STON1: variants seen among roughly 807,000 people sequenced by gnomAD.
STON1 encodes stonin 1.
A neutral mutation model predicts 60.9 loss-of-function variants in STON1; 79 were observed. The ratio of observed to expected loss-of-function variants is 1.30; its 90% CI spans 1.08 to 1.56. The LOEUF (loss-of-function observed/expected upper bound fraction) is 1.56, where lower values mean the gene tolerates loss of function less well. STON1 is among the 40% of genes most tolerant of loss of function. STON1 has a pLI of 0.00. For synonymous variants in STON1, 363 were observed against 306.9 expected, an observed-to-expected ratio of 1.18 and a Z score of -1.91; for missense variants, 1,166 against 858.9, an observed-to-expected ratio of 1.36 and a Z score of -4.47.
At chr2:48,533,034 A>T (rs1314574390) in intron 1 of STON1, among the ~76,000 whole-genome samples, 1 of 152,064 alleles carries the variant, frequency 6.6e-6, no homozygotes, top group Non-Finnish European at 1.5e-5. Flanking sequence ...CCAGAGGATC[A>T]CTTGAGGCTA....
At chr2:48,560,319 C>T (rs1672557553) in intron 1 of STON1, among the ~76,000 whole-genome samples, 3 of 152,210 alleles carry the variant, frequency 2.0e-5, no homozygotes, top group South Asian at 4.1e-4. Flanking sequence ...ATTTTCCCAG[C>T]TTCCTTTGAG....
At position 48,583,630 on chromosome 2, in the gene STON1, T is replaced by TC. The variant is rs1553364342; in HGVS notation, c.1930+1073dup. 2.2e-3 allele frequency among the ~76,000 whole-genome samples: 325 copies of TC among 150,422 alleles called. 1 individual carries two copies. The highest frequency in any genetic ancestry group is 0.018 in the East Asian group (91 of 5,156). On this transcript the variant is annotated intron_variant, in intron 2 of 3. Coordinates refer to ENST00000404752, the MANE Select transcript of STON1 (RefSeq NM_006873.4). ...GAGGGTTGTTGGTTTTTTTTTTTTT[T>TC]CCCCCCTAGCAGAGCACTGGTCACT...
At chr2:48,547,900 T>A (rs1044124362) in intron 1 of STON1, among the ~76,000 whole-genome samples, 1 of 152,176 alleles carries the variant, frequency 6.6e-6, no homozygotes, top group Admixed American at 6.5e-5. Context: ...ATCAGGAACA[T>A]TGTATTAGGG....
At chr2:48,588,838 G>A (rs75117058) in intron 2 of STON1, among the ~76,000 whole-genome samples, 5,893 of 152,228 alleles carry the variant, frequency 0.039, 151 homozygotes, top group Non-Finnish European at 0.057. Context: ...TCAATGCTTA[G>A]TATTCCTTTG....
intron 1 of STON1, chr2:48,531,875 C>T (rs1199479068): frequency 6.6e-6 from 1 of 152,054 alleles, no homozygotes. Flanking sequence ...AAAAACAGGT[C>T]CAAGTATTGA....
chr2:48,574,193 T>C (rs545642746), intron 1 of STON1, among the ~76,000 whole-genome samples: 6 of 152,114 alleles, frequency 3.9e-5, no homozygotes, highest in East Asian at 1.9e-4. Flanking sequence ...TTGGCCAACA[T>C]GGTGAAACCC....
At chr2:48,573,414 C>T (rs1444555519) in intron 1 of STON1, among the ~76,000 whole-genome samples, 1 of 152,226 alleles carries the variant, frequency 6.6e-6, no homozygotes, top group African/African-American at 2.4e-5. Flanking sequence ...GCATTTTCCA[C>T]TGGATGTCAG....
At chr2:48,594,632 G>A (rs1013994852) in intron 3 of STON1, among the ~76,000 whole-genome samples, 1 of 152,120 alleles carries the variant, frequency 6.6e-6, no homozygotes, top group African/African-American at 2.4e-5. Context: ...AGGGTAACGG[G>A]ATAGAGAGTG....
rs1227244976 is a variant in STON1, at chr2:48,597,371, T to G, written c.*2069T>G. The G allele has an allele frequency of 6.6e-6, 1 of 152,212 alleles. No homozygotes were observed. The highest frequency in any genetic ancestry group is 1.5e-5 in the Non-Finnish European group (1 of 68,048). 9.4% of individuals were successfully genotyped at this position (152,212 alleles called of 1,614,324 possible). On this transcript the variant is annotated 3_prime_UTR_variant, in exon 4 of 4. Coordinates refer to ENST00000404752, the MANE Select transcript of STON1 (RefSeq NM_006873.4). ...AAACTGATGCTGCCCACAGTCCCAG[T>G]GAAGTTAGGTGGGTTAATTACTGCC...
chr2:48,592,808 T>A lies in STON1; in HGVS notation c.2133+953T>A, dbSNP rs150452361. On this transcript the variant is annotated intron_variant, in intron 3 of 3. Transcript: ENST00000404752. ...TTTAAATTTTTAAATAGAGATGGGA[T>A]CTCACTATGTTGGTCAGGCTGGTCT... is the stretch of plus-strand genomic sequence containing the variant. Among the ~76,000 whole-genome samples, 46 of 152,078 alleles carry A rather than the reference T, an allele frequency of 3.0e-4. No homozygotes were observed. In the East Asian group the frequency reaches 8.7e-3, roughly 29 times the overall value.
At position 48,581,885 on chromosome 2, in the gene STON1, G is replaced by C. The variant is rs137911597; in HGVS notation, c.1252G>C (p.Glu418Gln). 3.7e-6 allele frequency: 6 copies of C among 1,614,062 alleles called. No homozygotes were observed. In the South Asian group the frequency reaches 6.6e-5, roughly 18 times the overall value. Reference sequence around the variant, plus strand: ...CTACGAGGAGCAAGAAATTTCCTTGGAAATTGTGGACAACTTTTGGGGTAA... The same window carrying C: ...CTACGAGGAGCAAGAAATTTCCTTGCAAATTGTGGACAACTTTTGGGGTAA... ...KNYEEQEISL[E>Q]IVDNFWGKVT... The change falls in exon 2 of 4, where the codon GAA becomes CAA. Residue 418 changes from glutamate (E) to glutamine (Q), a missense_variant. Physicochemically the swap from Glu to Gln is conservative, Grantham distance 29 (BLOSUM62 2). Transcript: ENST00000404752.
At chr2:48,569,430 G>T (rs920314157) in intron 1 of STON1, among the ~76,000 whole-genome samples, 1 of 152,040 alleles carries the variant, frequency 6.6e-6, no homozygotes, top group Non-Finnish European at 1.5e-5. Flanking sequence ...TGTGGAAAAT[G>T]TCTTATCCAA....
intron 3 of STON1, 82 bp downstream of exon 3, chr2:48,591,937 T>C (rs925769381): frequency 6.3e-6 from 9 of 1,433,586 alleles, no homozygotes; most frequent in Non-Finnish European, 8.5e-6. Context: ...GTGTATGTGT[T>C]GTGTGTGTGT....
At chr2:48,551,506 C>G (rs1672104425) in intron 1 of STON1, among the ~76,000 whole-genome samples, 1 of 152,252 alleles carries the variant, frequency 6.6e-6, no homozygotes, top group African/African-American at 2.4e-5. Context: ...TCCTAACCTT[C>G]AGATGGTAAA....
Position 48,580,586 on chromosome 2 carries a change from G to A in STON1, c.-47-1G>A, listed in dbSNP as rs1367256284. 1.5e-6 allele frequency: 2 copies of A among 1,319,810 alleles called. No individual in the cohort carries two copies. Among genetic ancestry groups the A allele is most frequent in the Non-Finnish European group, 1.9e-6 (2 of 1,026,198 alleles). The allele number at this position is 1,319,810 out of a possible 1,614,324, so 81.8% of individuals were successfully genotyped here. A position where few individuals can be genotyped will look rare whatever the true frequency, so the allele number is the denominator to read the frequency against. On this transcript the variant is annotated splice_acceptor_variant, in intron 1 of 3. Coordinates refer to ENST00000404752, the MANE Select transcript of STON1 (RefSeq NM_006873.4). LOFTEE classifies it low-confidence loss of function (5UTR_SPLICE). ...TTCTCTTTATTTTATTTTTTTAACAGAGTCAACCTATTTGATTTCTTGACA... is the reference window on the plus strand; with the variant it reads ...TTCTCTTTATTTTATTTTTTTAACAAAGTCAACCTATTTGATTTCTTGACA...
chr2:48,538,735 T>G (rs948669238), intron 1 of STON1, among the ~76,000 whole-genome samples: 10 of 148,890 alleles, frequency 6.7e-5, no homozygotes, highest in Admixed American at 6.7e-4. Flanking sequence ...GTTGCTGGGA[T>G]TACAGGTGTG....
At position 48,581,787 on chromosome 2, in the gene STON1, A is replaced by T; in HGVS notation, c.1154A>T (p.Asp385Val). 6.2e-7 allele frequency: 1 copy of T among 1,614,160 alleles called. No individual in the cohort carries two copies. Among genetic ancestry groups the T allele is most frequent in the Non-Finnish European group, 8.5e-7 (1 of 1,180,042 alleles). ...MLKLGSTSYH[D>V]FLDFLTTVEE... ...AAGTTGGGGTCCACATCGTACCATG[A>T]CTTCCTTGACTTTCTGACTACTGTG... The change falls in exon 2 of 4, where the codon GAC becomes GTC. Residue 385 changes from aspartate (D) to valine (V), a missense_variant. Transcript: ENST00000404752.
chr2:48,531,127 A>T (rs934003339), intron 1 of STON1: 6 of 152,264 alleles, frequency 3.9e-5, no homozygotes, highest in Admixed American at 3.9e-4. Context: ...TTTTCCTGGG[A>T]GATAGAAGTT....
In STON1 at chr2:48,582,188, A is replaced by G. The variant is rs751561730; in HGVS notation, c.1555A>G (p.Thr519Ala). Residue 519 changes from threonine (T) to alanine (A), a missense_variant, in exon 2 of 4, where the codon ACT becomes GCT. Physicochemically the swap from Thr to Ala is moderately conservative, Grantham distance 58 (BLOSUM62 0). Coordinates refer to ENST00000404752, the MANE Select transcript of STON1 (RefSeq NM_006873.4). The stretch of plus-strand genomic sequence containing the variant: ...CCGGTTTGAGCTGATGCGTTTCAAG[A>G]CTTTGTATAATGGGGATAATCTTCC... Reference protein sequence around the residue: ...ACRFELMRFKTLYNGDNLPFS... With the variant: ...ACRFELMRFKALYNGDNLPFS... 2 of 1,614,168 alleles carry G rather than the reference A, an allele frequency of 1.2e-6. No homozygotes were observed. Among genetic ancestry groups the G allele is most frequent in the Non-Finnish European group, 1.7e-6 (2 of 1,180,038 alleles).
Sources: gnomAD v4.1 joint callset for allele counts (sites outside exome capture counted in the v4.1 genomes callset) on GRCh38, gnomAD v4.1.1 for gene constraint, MANE v1.5 for transcripts, NCBI Gene and HGNC (gene_info 2026-07-23, HGNC 2026-07-21) for gene names.